The following LIMCH1 variants were observed in gnomAD, a reference collection of about 807,000 sequenced individuals.
LIMCH1 encodes LIM and calponin homology domains-containing protein 1.
LIMCH1 carries 113 observed loss-of-function variants against 176.5 expected under a neutral mutation model. The observed-to-expected ratio is 0.64, with a 90% CI of 0.55 to 0.75. LIMCH1 has a LOEUF of 0.75. LIMCH1 is among the 30% of genes least tolerant of loss of function. LIMCH1 has a pLI of 0.00. For synonymous variants in LIMCH1, 619 were observed against 645.9 expected (o/e 0.96, Z 0.63); for missense variants, 1,674 against 1,814.9 (o/e 0.92, Z 1.41).
intron 1 of LIMCH1, among the ~76,000 whole-genome samples, chr4:41,461,542 A>G (rs528742805): frequency 3.9e-4 from 59 of 152,270 alleles, no homozygotes; most frequent in African/African-American, 1.4e-3. Context: ...TTTGGCCTCA[A>G]ATCTCTAGAG....
chr4:41,629,593 T>G lies in LIMCH1; in HGVS notation c.1130T>G (p.Leu377Arg). Residue 377 changes from leucine to arginine, a missense_variant, in exon 9 of 32, where the codon CTT (leucine) becomes CGT (arginine). Leu to Arg is a moderately radical substitution (Grantham distance 102, BLOSUM62 -2). Transcript: ENST00000503057. ...GGAGGACTCAGGAAGGTGCCAGATC[T>G]TCACAAGGATGACCTGGCCCAGCAG... ...VEGGLRKVPD[L>R]HKDDLAQQRI... The G allele has an allele frequency of 1.3e-6, 2 of 1,536,122 alleles. No individual in the cohort carries two copies. The highest frequency in any genetic ancestry group is 1.7e-6 in the Non-Finnish European group (2 of 1,146,904).
intron 1 of LIMCH1, among the ~76,000 whole-genome samples, chr4:41,419,721 T>TTCCC (rs2060443448): frequency 7.5e-6 from 1 of 133,560 alleles, no homozygotes; most frequent in African/African-American, 2.9e-5. Flanking sequence ...CCTTCCTTCC[T>TTCCC]CCTTCCTTTC....
At chr4:41,577,394 G>A (rs1031548146) in intron 1 of LIMCH1, among the ~76,000 whole-genome samples, 13 of 152,100 alleles carry the variant, frequency 8.5e-5, no homozygotes, top group African/African-American at 3.1e-4. Flanking sequence ...AGTGTTAACA[G>A]TGCTTATTCC....
chr4:41,600,415 C>T (rs538691466), intron 2 of LIMCH1, among the ~76,000 whole-genome samples: 111 of 152,214 alleles, frequency 7.3e-4, no homozygotes, highest in Non-Finnish European at 1.3e-3. Flanking sequence ...TGTGCAGCTT[C>T]GTAGGTAATA....
At chr4:41,366,503 C>T (rs1443772436) in intron 1 of LIMCH1, among the ~76,000 whole-genome samples, 1 of 152,060 alleles carries the variant, frequency 6.6e-6, no homozygotes, top group African/African-American at 2.4e-5. Flanking sequence ...AGAAAGGTAT[C>T]AGATATGATC....
chr4:41,557,546 C>CTG (rs34757433), intron 1 of LIMCH1, among the ~76,000 whole-genome samples: 1,643 of 147,822 alleles, frequency 0.011, 12 homozygotes, highest in South Asian at 0.019. Flanking sequence ...TTTATTGCCT[C>CTG]TGTGTGTGTG....
chr4:41,595,797 C>G (rs920067529), intron 1 of LIMCH1, among the ~76,000 whole-genome samples: 4 of 152,106 alleles, frequency 2.6e-5, no homozygotes, highest in Non-Finnish European at 5.9e-5. Flanking sequence ...GTGGCTCATG[C>G]CTGTAATCCC....
intron 20 of LIMCH1, 43 bp from the exon 21 acceptor site, chr4:41,666,518 T>C: frequency 1.6e-6 from 2 of 1,262,294 alleles, no homozygotes; most frequent in South Asian, 1.2e-5. Flanking sequence ...CATTTATCAA[T>C]GGACAGTTCT....
At chr4:41,433,693 A>T (rs1264399145) in intron 1 of LIMCH1, among the ~76,000 whole-genome samples, 21 of 92,038 alleles carry the variant, frequency 2.3e-4, no homozygotes, top group African/African-American at 3.2e-4. Flanking sequence ...TTTTTTTTTT[A>T]AACTTTTAAA....
chr4:41,434,820 G>C (rs1180218324), intron 1 of LIMCH1, among the ~76,000 whole-genome samples: 1 of 152,182 alleles, frequency 6.6e-6, no homozygotes, highest in Admixed American at 6.5e-5. Flanking sequence ...CCCAGCCCTG[G>C]ATACTGTCTT....
rs544766268 is a variant in LIMCH1, at chr4:41,459,681, G to A, written c.97-34855G>A. Among the ~76,000 whole-genome samples the A allele has an allele frequency of 2.6e-4, 40 of 152,188 alleles. No individual in the cohort carries two copies. The South Asian group carries it at 6.7e-3, about 25-fold the overall frequency. On this transcript the variant is annotated intron_variant, in intron 1 of 26. Transcript: ENST00000313860. Reference sequence around the variant, plus strand: ...GGTATAAGGGCTAAGAACTAAACAGGAGGCAGGGAAGCAACCCAGAGATTA... The same window carrying A: ...GGTATAAGGGCTAAGAACTAAACAGAAGGCAGGGAAGCAACCCAGAGATTA...
chr4:41,384,101 G>A (rs1308626315), intron 1 of LIMCH1, among the ~76,000 whole-genome samples: 3 of 152,180 alleles, frequency 2.0e-5, no homozygotes, highest in Admixed American at 2.0e-4. Flanking sequence ...CTAGGCTGGA[G>A]CATTTCAGTA....
intron 2 of LIMCH1, among the ~76,000 whole-genome samples, chr4:41,599,310 A>G (rs146406564): frequency 4.1e-3 from 623 of 152,358 alleles, no homozygotes; most frequent in Non-Finnish European, 6.6e-3. Context: ...GAGGCAAGAA[A>G]GAAATAGGCA....
At chr4:41,369,792 G>A (rs1265914776) in intron 1 of LIMCH1, among the ~76,000 whole-genome samples, 1 of 152,042 alleles carries the variant, frequency 6.6e-6, no homozygotes, top group Admixed American at 6.6e-5. Context: ...CAGCCAGGCT[G>A]TTCCTCACTA....
intron 18 of LIMCH1, among the ~76,000 whole-genome samples, chr4:41,651,565 G>A (rs2094297996): frequency 6.6e-6 from 1 of 152,136 alleles, no homozygotes; most frequent in South Asian, 2.1e-4. Flanking sequence ...TGTTATAGAA[G>A]AATAAGTAAA....
intron 1 of LIMCH1, among the ~76,000 whole-genome samples, chr4:41,488,065 A>G (rs2070033088): frequency 6.6e-6 from 1 of 152,162 alleles, no homozygotes; most frequent in South Asian, 2.1e-4. Flanking sequence ...ACTGCTCATC[A>G]TCATTGCTCA....
chr4:41,558,918 G>T (rs1000762935), intron 1 of LIMCH1, among the ~76,000 whole-genome samples: 1 of 152,090 alleles, frequency 6.6e-6, no homozygotes, highest in African/African-American at 2.4e-5. Context: ...CAGCAGACAT[G>T]TCTTCACCAT....
At chr4:41,460,538 T>G (rs909182198) in intron 1 of LIMCH1, among the ~76,000 whole-genome samples, 1 of 149,898 alleles carries the variant, frequency 6.7e-6, no homozygotes, top group African/African-American at 2.5e-5. Context: ...TTAAGTTGTT[T>G]GTCAGTTTTA....
In LIMCH1 at chr4:41,661,457, A is replaced by G; in HGVS notation, c.3074A>G (p.Asp1025Gly). ...AAAACGGAACCGAATAGTCAAGAGG[A>G]CAAGAATGATGGTGGAAAATCAAGA... ...TEKTEPNSQE[D>G]KNDGGKSRKG... is the part of the protein sequence containing the mutation. The change falls in exon 19 of 32, where the codon GAC becomes GGC. Residue 1025 changes from aspartate (D) to glycine (G), a missense_variant. This residue lies in a region of LIMCH1 where 1,015 missense variants were observed against 1,102.5 expected (regional missense o/e 0.92). Coordinates refer to ENST00000503057, the MANE Select transcript of LIMCH1 (RefSeq NM_001330672.2). 2 of 1,613,358 alleles carry G rather than the reference A, an allele frequency of 1.2e-6. No individual in the cohort carries two copies. Among genetic ancestry groups the G allele is most frequent in the Non-Finnish European group, 1.7e-6 (2 of 1,179,698 alleles).
Sources: gnomAD v4.1 joint callset for allele counts (sites outside exome capture counted in the v4.1 genomes callset) on GRCh38, gnomAD v4.1.1 for gene constraint, gnomAD v4.1.1 regional missense constraint, MANE v1.5 for transcripts, NCBI Gene and HGNC (gene_info 2026-07-23, HGNC 2026-07-21) for gene names.